PIK3C2A: variants seen among roughly 807,000 people sequenced by gnomAD.
PIK3C2A encodes the protein phosphatidylinositol-4-phosphate 3-kinase catalytic subunit type 2 alpha, also known as phosphatidylinositol 4-phosphate 3-kinase C2 domain-containing subunit alpha.
In PIK3C2A, 97 loss-of-function variants were observed where a neutral mutation model predicts 204.5. The observed-to-expected ratio is 0.47, with a 90% CI of 0.40 to 0.56. The LOEUF is 0.56. Among genes scored for constraint, PIK3C2A ranks in the 20% least tolerant of loss-of-function variants. The pLI is 0.00. For synonymous variants in PIK3C2A, 653 were observed against 664.4 expected, an observed-to-expected ratio of 0.98 and a Z score of 0.26; for missense variants, 1,735 against 1,969.2, an observed-to-expected ratio of 0.88 and a Z score of 2.25.
At chr11:17,167,756 A>C (rs1851013896) in intron 2 of PIK3C2A, among the ~76,000 whole-genome samples, 1 of 152,246 alleles carries the variant, frequency 6.6e-6, no homozygotes, top group Non-Finnish European at 1.5e-5. Context: ...TGCTGATCTA[A>C]TTAGCTGAAT....
chr11:17,133,276 T>A (rs1849760633), intron 11 of PIK3C2A, among the ~76,000 whole-genome samples: 2 of 152,116 alleles, frequency 1.3e-5, no homozygotes, highest in South Asian at 4.2e-4. Context: ...TGTGTGTGTG[T>A]GTGTGTGCCT....
intron 8 of PIK3C2A, among the ~76,000 whole-genome samples, chr11:17,142,282 T>C (rs1850087927): frequency 6.6e-6 from 1 of 152,118 alleles, no homozygotes; most frequent in African/African-American, 2.4e-5. Flanking sequence ...AGTCAATCAG[T>C]ATAGGGATAT....
chr11:17,148,496 G>A (rs1349710344), intron 5 of PIK3C2A, 171 bp downstream of exon 5: 3 of 604,486 alleles, frequency 5.0e-6, no homozygotes, highest in Non-Finnish European at 8.5e-6. Flanking sequence ...CACTGTCTTA[G>A]ACATGACATC....
At chr11:17,180,937 GGA>G (rs1480546813) in intron 1 of PIK3C2A, among the ~76,000 whole-genome samples, 2 of 150,918 alleles carry the variant, frequency 1.3e-5, no homozygotes, top group African/African-American at 5.0e-5. Flanking sequence ...AAACTCAGGT[GGA>G]GTTTACTTAT....
intron 1 of PIK3C2A, among the ~76,000 whole-genome samples, chr11:17,179,259 T>C (rs1330395156): frequency 2.0e-5 from 3 of 152,244 alleles, no homozygotes; most frequent in Non-Finnish European, 4.4e-5. Flanking sequence ...ACTCCTGGGC[T>C]CAAGCAATCC....
intron 27 of PIK3C2A, among the ~76,000 whole-genome samples, chr11:17,094,765 A>C (rs1019932759): frequency 1.3e-5 from 2 of 152,200 alleles, no homozygotes; most frequent in African/African-American, 4.8e-5. Flanking sequence ...AAAGACCAAG[A>C]AGCAAAAAAA....
In PIK3C2A at chr11:17,129,341, T is replaced by G; in HGVS notation, c.2358A>C (p.Glu786Asp). ...PDSNKQRKGP[E>D]ALGKVSLPLF... The stretch of plus-strand genomic sequence containing the variant: ...GAGGTAAAGAAACTTTGCCCAAAGC[T>G]TCTGGTCCCTTTCTCTGCTTATTAG... Residue 786 changes from glutamate (E) to aspartate (D), a missense_variant, in exon 13 of 33, where the codon GAA becomes GAC. Around this residue, in one of 6 missense-constraint regions of PIK3C2A, gnomAD observed 567 missense variants for 576.0 expected, o/e 0.98. Transcript: ENST00000691414. 1.9e-6 allele frequency: 3 copies of G among 1,613,948 alleles called. No individual in the cohort carries two copies. The highest frequency in any genetic ancestry group is 2.5e-6 in the Non-Finnish European group (3 of 1,179,860).
intron 2 of PIK3C2A, among the ~76,000 whole-genome samples, 188 bp downstream of exon 2, chr11:17,168,489 G>A (rs1372706826): frequency 2.0e-5 from 3 of 152,116 alleles, no homozygotes; most frequent in Non-Finnish European, 4.4e-5. Context: ...GCTGAGGCAG[G>A]AGAAGGGTGT....
chr11:17,101,189 A>C (rs1848612767), intron 25 of PIK3C2A, 89 bp downstream of exon 25: 2 of 801,246 alleles, frequency 2.5e-6, no homozygotes, highest in African/African-American at 3.4e-5. Flanking sequence ...AGCAAATTTT[A>C]TTCCAAAATC....
chr11:17,087,630 T>A lies in PIK3C2A; in HGVS notation c.*2108A>T, dbSNP rs1848191037. 1 of 152,126 alleles carries A rather than the reference T, an allele frequency of 6.6e-6. No homozygotes were observed. The highest frequency in any genetic ancestry group is 1.5e-5 in the Non-Finnish European group (1 of 68,008). The allele number at this position is 152,126 out of a possible 1,614,324, so 9.4% of individuals were successfully genotyped here. ...ATTAACGACCTCTACCAAGACAGTTTTTGTTTGTTTGTTTGTTTTTAAATT... is the reference window on the plus strand; with the variant it reads ...ATTAACGACCTCTACCAAGACAGTTATTGTTTGTTTGTTTGTTTTTAAATT... On this transcript the variant is annotated 3_prime_UTR_variant, in exon 33 of 33. Transcript: ENST00000691414.
rs1361208603 is a variant in PIK3C2A, at chr11:17,137,422, C to T, written c.1705-797G>A. On this transcript the variant is annotated intron_variant, in intron 8 of 32. Transcript: ENST00000691414. ...TCCTATATTACTTCATATTACTTTG[C>T]CTTTTTTTTTGAGACGGACTCTCAT... is the stretch of plus-strand genomic sequence containing the variant. Among the ~76,000 whole-genome samples, 7 of 12,326 alleles carry T rather than the reference C, an allele frequency of 5.7e-4. 1 individual carries two copies. Among genetic ancestry groups the T allele is most frequent in the Non-Finnish European group, 1.3e-3 (3 of 2,312 alleles). 8.1% of individuals were successfully genotyped at this position (12,326 alleles called of 152,430 possible).
At chr11:17,121,467 A>T (rs1487419523) in intron 15 of PIK3C2A, among the ~76,000 whole-genome samples, 1 of 152,116 alleles carries the variant, frequency 6.6e-6, no homozygotes, top group Non-Finnish European at 1.5e-5. Flanking sequence ...AATATTCTTG[A>T]CTCCATAAGC....
rs1852326823 is a variant in PIK3C2A at position 17,200,444 on chromosome 11, AC to A, written c.-66+7403del. On this transcript the variant is annotated intron_variant, in intron 1 of 32. Transcript: ENST00000691414. ...AAAAAAGTTTATTAATAAAAAAGAG[AC>A]ATGTTATTGAATCTCAAAAGTGTTA... Among the ~76,000 whole-genome samples the A allele has an allele frequency of 4.4e-5, 4 of 90,688 alleles. 1 individual carries two copies. Among genetic ancestry groups the A allele is most frequent in the Middle Eastern group, 0.01 (2 of 198 alleles). The allele number at this position is 90,688 out of a possible 152,430, so 59.5% of individuals were successfully genotyped here.
At chr11:17,146,532 C>T (rs1850249585) in intron 6 of PIK3C2A, among the ~76,000 whole-genome samples, 1 of 151,348 alleles carries the variant, frequency 6.6e-6, no homozygotes, top group Non-Finnish European at 1.5e-5. Flanking sequence ...GGCCAACACA[C>T]CAAAAACCCG....
At position 17,147,052 on chromosome 11, in the gene PIK3C2A, CT is replaced by C. The variant is rs35204589; in HGVS notation, c.1560+464del. On this transcript the variant is annotated intron_variant, in intron 6 of 32. Coordinates refer to ENST00000691414, the MANE Select transcript of PIK3C2A (RefSeq NM_002645.4). Reference sequence around the variant, plus strand: ...ACCTCAAAAGAAAGCATTGAAAGCACTTTTTTTTTTAAACAGCATCCACCTA... The same window carrying C: ...ACCTCAAAAGAAAGCATTGAAAGCACTTTTTTTTTAAACAGCATCCACCTA... Among the ~76,000 whole-genome samples, 918 of 149,442 alleles carry C rather than the reference CT, an allele frequency of 6.1e-3. 16 individuals are homozygous for C. Among genetic ancestry groups the C allele is most frequent in the African/African-American group, 0.021 (868 of 40,894 alleles).
intron 1 of PIK3C2A, among the ~76,000 whole-genome samples, chr11:17,174,932 A>T (rs1851292174): frequency 6.6e-6 from 1 of 152,158 alleles, no homozygotes; most frequent in Non-Finnish European, 1.5e-5. Context: ...AAAAATAAAA[A>T]AATAGCATTT....
At chr11:17,124,968 T>C (rs372481200) in intron 13 of PIK3C2A, among the ~76,000 whole-genome samples, 12 of 152,318 alleles carry the variant, frequency 7.9e-5, no homozygotes, top group East Asian at 5.8e-4. Flanking sequence ...ATTTAGTTCT[T>C]TGGCAAGAAT....
At chr11:17,114,913 A>G (rs1459382426) in intron 19 of PIK3C2A, among the ~76,000 whole-genome samples, 1 of 152,234 alleles carries the variant, frequency 6.6e-6, no homozygotes, top group Non-Finnish European at 1.5e-5. Flanking sequence ...ACCTGTAGGA[A>G]TTTTCTGAAA....
intron 8 of PIK3C2A, among the ~76,000 whole-genome samples, chr11:17,143,623 T>TAA (rs56407565): frequency 2.8e-4 from 40 of 141,620 alleles, no homozygotes; most frequent in African/African-American, 1.0e-3. Flanking sequence ...AAGAATATGT[T>TAA]AAAAAAAAAA....
Sources: gnomAD v4.1 joint callset for allele counts (sites outside exome capture counted in the v4.1 genomes callset) on GRCh38, gnomAD v4.1.1 for gene constraint, gnomAD v4.1.1 regional missense constraint, MANE v1.5 for transcripts, NCBI Gene and HGNC (gene_info 2026-07-23, HGNC 2026-07-21) for gene names.